The following CLDN19 variants were observed in gnomAD, a reference collection of about 807,000 sequenced individuals.
CLDN19 encodes claudin 19, also known as claudin-19.
CLDN19 carries 19 observed loss-of-function variants against 24.5 expected under a neutral mutation model. That is an observed-to-expected ratio of 0.78 (90% CI 0.54 to 1.14). The LOEUF is 1.14. Ranked by LOEUF, CLDN19 falls within the 50% of genes most tolerant of loss-of-function variation. The pLI is 0.00. For missense variants in CLDN19, 250 were observed against 295.9 expected (o/e 0.84, Z 1.14); for synonymous variants, 117 against 129.6 (o/e 0.90, Z 0.66).
chr1:42,738,621 G>C (rs754028559), intron 1 of CLDN19, 36 bp from the exon 2 acceptor site: 1 of 1,602,966 alleles, frequency 6.2e-7, no homozygotes, highest in South Asian at 1.1e-5. Context: ...TCGGGCTGGC[G>C]GGGATGGGGG....
chr1:42,738,559 T>C lies in CLDN19; in HGVS notation c.250A>G (p.Met84Val), dbSNP rs1439120120. 1.2e-6 allele frequency: 2 copies of C among 1,613,652 alleles called. No homozygotes were observed. The highest frequency in any genetic ancestry group is 2.2e-5 in the East Asian group (1 of 44,892). ...AAGCCCAGGAGCACGGCCACCACCATCAGGGCCCGCGCTGATTGGATGTGA... is the reference window on the plus strand; with the variant it reads ...AAGCCCAGGAGCACGGCCACCACCACCAGGGCCCGCGCTGATTGGATGTGA... ...DGHIQSARAL[M>V]VVAVLLGFVA... is the part of the protein sequence containing the mutation. Residue 84 changes from methionine to valine, a missense_variant, in exon 2 of 5, where the codon ATG (methionine) becomes GTG (valine). Physicochemically the swap from Met to Val is conservative, Grantham distance 21. Coordinates refer to ENST00000296387, the MANE Select transcript of CLDN19 (RefSeq NM_148960.3).
Position 42,739,102 on chromosome 1 carries a change from G to T in CLDN19, c.224-517C>A, listed in dbSNP as rs923583880. ...ATGGGTCCATCCTGGGCCCTGGGGGGTGCTCAGGAGACCTGGGTCCCTCAG... is the reference window on the plus strand; with the variant it reads ...ATGGGTCCATCCTGGGCCCTGGGGGTTGCTCAGGAGACCTGGGTCCCTCAG... On this transcript the variant is annotated intron_variant, in intron 1 of 4. Transcript: ENST00000296387. Among the ~76,000 whole-genome samples the T allele has an allele frequency of 2.0e-5, 3 of 152,214 alleles. No individual in the cohort carries two copies. In the South Asian group the frequency reaches 6.2e-4, roughly 32 times the overall value.
At chr1:42,738,089 C>T in intron 3 of CLDN19, 140 bp downstream of exon 3, 1 of 792,328 alleles carries the variant, frequency 1.3e-6, no homozygotes, top group Non-Finnish European at 2.2e-6. Context: ...GGCCCCACCA[C>T]ACTCCTCCTG....
At position 42,735,965 on chromosome 1, in the gene CLDN19, G is replaced by GAGCC; in HGVS notation, c.535_538dup (p.Ser180TrpfsTer35). Reference sequence around the variant, plus strand: ...CTCCGGGCATGTGCAGCAGAGGAAGGAGCCGCCCAGCACGGCCAGGCCAGC... The same window carrying GAGCC: ...CTCCGGGCATGTGCAGCAGAGGAAGGAGCCAGCCGCCCAGCACGGCCAGGCCAGC... On this transcript the variant is annotated frameshift_variant, in exon 4 of 5. Transcript: ENST00000296387. LOFTEE classifies it high-confidence loss of function. The GAGCC allele has an allele frequency of 6.3e-7, 1 of 1,576,202 alleles. No individual in the cohort carries two copies. The highest frequency in any genetic ancestry group is 8.6e-7 in the Non-Finnish European group (1 of 1,161,314).
In CLDN19 at chr1:42,735,903, G is replaced by A; in HGVS notation, c.601C>T (p.Pro201Ser). 1 of 1,580,250 alleles carries A rather than the reference G, an allele frequency of 6.3e-7. No individual in the cohort carries two copies. The change falls in exon 4 of 5, where the codon CCT becomes TCT. Residue 201 changes from proline (P) to serine (S), a missense_variant. By Grantham distance (74) the Pro-to-Ser change is moderately conservative. Coordinates refer to ENST00000296387, the MANE Select transcript of CLDN19 (RefSeq NM_148960.3). ...TCTCGGGCAGCAGCAGAGGGTCCAG[G>A]CCGATAGGGCTGTGGGCTGCTGTTG... ...RPNSSPQPYR[P>S]GPSAAAREPV...
At chr1:42,737,439 G>A (rs1651406340) in intron 3 of CLDN19, among the ~76,000 whole-genome samples, 3 of 152,192 alleles carry the variant, frequency 2.0e-5, no homozygotes, top group African/African-American at 7.2e-5. Context: ...AATAACTGCT[G>A]CCTCCTGCAG....
chr1:42,735,667 C>G (rs1025957490), intron 4 of CLDN19: 1 of 1,440,576 alleles, frequency 6.9e-7, no homozygotes, highest in African/African-American at 1.4e-5. Context: ...GTGTGTATGC[C>G]TGGGGGCTGG....
intron 1 of CLDN19, 93 bp from the exon 2 acceptor site, chr1:42,738,678 G>T (rs1651453191): frequency 2.3e-6 from 3 of 1,284,012 alleles, no homozygotes; most frequent in South Asian, 1.3e-5. Flanking sequence ...CTTGAGAGGG[G>T]CTTGAGCAGG....
rs147528059 is a variant in CLDN19 at position 42,735,115 on chromosome 1, C to T, written c.646G>A (p.Ala216Thr). The change falls in exon 5 of 5, where the codon GCC becomes ACC. Residue 216 changes from alanine to threonine, a missense_variant. Physicochemically the swap from Ala to Thr is moderately conservative, Grantham distance 58. Coordinates refer to ENST00000296387, the MANE Select transcript of CLDN19 (RefSeq NM_148960.3). ...ACACCCAGGGGGCCCTTGGCGGAGG[C>T]GGGCAATTTAACAACTGGTCTGAAA... ...AAREPVVKLPASAKGPLGV is the reference protein window; with the variant it reads ...AAREPVVKLPTSAKGPLGV 699 of 1,613,794 alleles carry T rather than the reference C, an allele frequency of 4.3e-4. No homozygotes were observed. Among genetic ancestry groups the T allele is most frequent in the Non-Finnish European group, 5.5e-4 (653 of 1,179,738 alleles).
In CLDN19 at chr1:42,739,859, A is replaced by G. The variant is rs1222974414; in HGVS notation, c.205T>C (p.Ser69Pro). The G allele has an allele frequency of 6.2e-7, 1 of 1,613,094 alleles. No homozygotes were observed. The highest frequency in any genetic ancestry group is 8.5e-7 in the Non-Finnish European group (1 of 1,179,828). ...TGQVQCKLYDSLLALDGHIQS... is the reference protein window; with the variant it reads ...TGQVQCKLYDPLLALDGHIQS... ...GGCCTACCGTCCAGGGCGAGCAGCG[A>G]GTCGTAGAGCTTGCACTGCACTTGC... The change falls in exon 1 of 5, where the codon TCG becomes CCG. Residue 69 changes from serine to proline, a missense_variant. Ser to Pro is a moderately conservative substitution (Grantham distance 74, BLOSUM62 -1). Coordinates refer to ENST00000296387, the MANE Select transcript of CLDN19 (RefSeq NM_148960.3).
chr1:42,736,357 G>A (rs1651371775), intron 3 of CLDN19, among the ~76,000 whole-genome samples: 2 of 152,310 alleles, frequency 1.3e-5, no homozygotes, highest in East Asian at 3.9e-4. Flanking sequence ...GGTCTGCACG[G>A]GAGGAGTGGG....
At chr1:42,737,238 C>T (rs926404997) in intron 3 of CLDN19, among the ~76,000 whole-genome samples, 8 of 152,230 alleles carry the variant, frequency 5.3e-5, no homozygotes, top group Non-Finnish European at 1.2e-4. Flanking sequence ...ACTGCTCCCT[C>T]CCTGTTGCCC....
chr1:42,735,494 A>G (rs1651329838), intron 4 of CLDN19: 3 of 1,412,840 alleles, frequency 2.1e-6, no homozygotes, highest in East Asian at 2.6e-5. Flanking sequence ...GTACTAAGGT[A>G]CGTCTTGGCC....
intron 3 of CLDN19, among the ~76,000 whole-genome samples, chr1:42,736,355 C>T (rs924190495): frequency 4.6e-5 from 7 of 152,158 alleles, no homozygotes; most frequent in Non-Finnish European, 1.0e-4. Flanking sequence ...GAGGTCTGCA[C>T]GGGAGGAGTG....
At position 42,739,519 on chromosome 1, in the gene CLDN19, A is replaced by G. The variant is rs1317828919; in HGVS notation, c.223+322T>C. 2.6e-5 allele frequency among the ~76,000 whole-genome samples: 4 copies of G among 152,192 alleles called. No individual in the cohort carries two copies. The East Asian group carries it at 7.7e-4, about 29-fold the overall frequency. ...AGAAGTGGATGAAGGGTCTTAACTG[A>G]GTCTTTCAGAGTGCCACAGGTATTA... On this transcript the variant is annotated intron_variant, in intron 1 of 4. Transcript: ENST00000296387.
Position 42,740,014 on chromosome 1 carries a change from C to T in CLDN19, c.50G>A (p.Gly17Asp). The T allele has an allele frequency of 6.4e-7, 1 of 1,571,020 alleles. No homozygotes were observed. The highest frequency in any genetic ancestry group is 8.6e-7 in the Non-Finnish European group (1 of 1,157,718). ...TGTGCTAGCAATGATGCCCACCCAG[C>T]CACCCAGGGCCAAGAAGTAGCCCAG... ...QLLGYFLALG[G>D]WVGIIASTAL... The change falls in exon 1 of 5, where the codon GGC (glycine) becomes GAC (aspartate). Residue 17 changes from glycine to aspartate, a missense_variant. Coordinates refer to ENST00000296387, the MANE Select transcript of CLDN19 (RefSeq NM_148960.3).
rs1651311406 is a variant in CLDN19 at position 42,735,023 on chromosome 1, A to C, written c.*63T>G. 1 of 1,359,328 alleles carries C rather than the reference A, an allele frequency of 7.4e-7. No individual in the cohort carries two copies. Among genetic ancestry groups the C allele is most frequent in the South Asian group, 1.2e-5 (1 of 83,960 alleles). 84.2% of individuals were successfully genotyped at this position (1,359,328 alleles called of 1,614,324 possible). ...GGGCTGGATGTTCACTTCTCTTTCC[A>C]AAAAAATATGAAACACACAGTCTAG... On this transcript the variant is annotated 3_prime_UTR_variant, in exon 5 of 5. Coordinates refer to ENST00000296387, the MANE Select transcript of CLDN19 (RefSeq NM_148960.3).
At chr1:42,738,353 C>T (rs751039840) in intron 2 of CLDN19, 40 bp from the exon 3 acceptor site, 41 of 1,612,894 alleles carry the variant, frequency 2.5e-5, no homozygotes, top group Non-Finnish European at 3.3e-5. Context: ...CTGCTCTGGC[C>T]CCCCGAGGCC....
intron 4 of CLDN19, 27 bp downstream of exon 4, chr1:42,735,851 G>T (rs866665590): frequency 1.9e-6 from 3 of 1,565,294 alleles, no homozygotes; most frequent in East Asian, 4.7e-5. Context: ...TGGGGGGCTG[G>T]CCAGGGCAGG....
Sources: allele counts gnomAD v4.1 joint callset (sites outside exome capture counted in the v4.1 genomes callset), GRCh38; gene constraint gnomAD v4.1.1; transcripts MANE v1.5; gene names NCBI Gene and HGNC (gene_info 2026-07-23, HGNC 2026-07-21).